The following NCOA1 variants were observed in gnomAD, a reference collection of about 807,000 sequenced individuals.
NCOA1 encodes nuclear receptor coactivator 1.
Under a neutral mutation model 150.9 loss-of-function variants are expected in NCOA1, and 35 were observed. That is an observed-to-expected ratio of 0.23 (90% confidence interval 0.18 to 0.31). The LOEUF is 0.31. Among genes scored for constraint, NCOA1 ranks in the 10% least tolerant of loss-of-function variants. The pLI, the probability that NCOA1 is intolerant of heterozygous loss-of-function variation, is 1.00. For missense variants in NCOA1, 1,491 were observed against 1,749.3 expected, an observed-to-expected ratio of 0.85 and a Z score of 2.63; for synonymous variants, 590 against 630.0, an observed-to-expected ratio of 0.94 and a Z score of 0.95.
intron 5 of NCOA1, among the ~76,000 whole-genome samples, chr2:24,660,605 A>C (rs988437945): frequency 1.3e-5 from 2 of 152,126 alleles, no homozygotes; most frequent in African/African-American, 4.8e-5. Context: ...ATTCAGTCCC[A>C]TTAACTTTTG....
chr2:24,739,461 A>G lies in NCOA1; in HGVS notation c.3231A>G (p.Leu1077=). ...QLIHQNRQAI[L]NQFAATAPVG... is the part of the protein sequence containing the mutation. ...TACACCAAAATCGGCAAGCTATCTTAAACCAGTTTGCAGCAACTGCTCCTG... is the reference window on the plus strand; with the variant it reads ...TACACCAAAATCGGCAAGCTATCTTGAACCAGTTTGCAGCAACTGCTCCTG... The change falls in exon 18 of 23, where the codon TTA becomes TTG. Residue 1077 remains leucine (L), a synonymous_variant. Transcript: ENST00000348332. The G allele has an allele frequency of 6.2e-7, 1 of 1,613,922 alleles. No homozygotes were observed. Among genetic ancestry groups the G allele is most frequent in the Non-Finnish European group, 8.5e-7 (1 of 1,179,824 alleles).
chr2:24,591,535 C>T (rs1667657386), intron 3 of NCOA1, among the ~76,000 whole-genome samples: 1 of 152,180 alleles, frequency 6.6e-6, no homozygotes, highest in Non-Finnish European at 1.5e-5. Context: ...TTTGGAATAT[C>T]TGCCATCTGT....
At chr2:24,724,654 T>C (rs1298662859) in intron 14 of NCOA1, among the ~76,000 whole-genome samples, 2 of 152,108 alleles carry the variant, frequency 1.3e-5, no homozygotes, top group Non-Finnish European at 2.9e-5. Flanking sequence ...CTAGTAAAAT[T>C]AGATACTGTG....
chr2:24,541,926 GATT>G (rs959419915), intron 1 of NCOA1, among the ~76,000 whole-genome samples: 2 of 152,124 alleles, frequency 1.3e-5, no homozygotes, highest in African/African-American at 4.8e-5. Context: ...TTTAAGAGGG[GATT>G]ATTATGAACA....
chr2:24,715,674 A>C (rs1202394118), intron 14 of NCOA1, among the ~76,000 whole-genome samples: 1 of 152,222 alleles, frequency 6.6e-6, no homozygotes, highest in African/African-American at 2.4e-5. Context: ...CATAAATTTT[A>C]GATGGAATAA....
In NCOA1 at chr2:24,706,870, C is replaced by G; in HGVS notation, c.1400C>G (p.Pro467Arg). 6.2e-7 allele frequency: 1 copy of G among 1,614,084 alleles called. No individual in the cohort carries two copies. The highest frequency in any genetic ancestry group is 1.6e-4 in the Middle Eastern group (1 of 6,062). ...CAGGCCAGTTCACAGAGCAGTAATCCCTCTTTAAACCTCAATAATTCTCCT... is the reference window on the plus strand; with the variant it reads ...CAGGCCAGTTCACAGAGCAGTAATCGCTCTTTAAACCTCAATAATTCTCCT... ...QGQASSQSSN[P>R]SLNLNNSPME... The change falls in exon 13 of 23, where the codon CCC (proline) becomes CGC (arginine). Residue 467 changes from proline (P) to arginine (R), a missense_variant. Coordinates refer to ENST00000348332, the MANE Select transcript of NCOA1 (RefSeq NM_003743.5).
chr2:24,758,945 C>T (rs995714472), intron 21 of NCOA1, among the ~76,000 whole-genome samples: 7 of 151,924 alleles, frequency 4.6e-5, no homozygotes, highest in South Asian at 2.1e-4. Context: ...CTGGTAATTG[C>T]GCCACTGCAC....
intron 3 of NCOA1, among the ~76,000 whole-genome samples, chr2:24,628,348 T>C (rs765533972): frequency 6.6e-6 from 1 of 152,138 alleles, no homozygotes; most frequent in Non-Finnish European, 1.5e-5. Context: ...CGTGCCATTA[T>C]TCTGAAGCTC....
At chr2:24,729,229 T>A (rs1558320425) in intron 16 of NCOA1, among the ~76,000 whole-genome samples, 1 of 152,248 alleles carries the variant, frequency 6.6e-6, no homozygotes. Flanking sequence ...GGCTTTGCAA[T>A]GAAGTTTTTT....
At chr2:24,513,239 G>C (rs1664011289) in intron 1 of NCOA1, among the ~76,000 whole-genome samples, 1 of 152,054 alleles carries the variant, frequency 6.6e-6, no homozygotes. Context: ...AAACATTGTG[G>C]AGTTCAGCCT....
At chr2:24,683,688 C>T (rs1183280034) in intron 8 of NCOA1, among the ~76,000 whole-genome samples, 3 of 152,058 alleles carry the variant, frequency 2.0e-5, no homozygotes, top group African/African-American at 4.8e-5. Flanking sequence ...GGGACTTTTT[C>T]TAATTCTTGT....
At chr2:24,727,564 G>T (rs960190808) in intron 15 of NCOA1, among the ~76,000 whole-genome samples, 3 of 152,204 alleles carry the variant, frequency 2.0e-5, no homozygotes, top group African/African-American at 7.2e-5. Context: ...AGACTAGATA[G>T]TATTGATTGT....
At chr2:24,727,234 C>T (rs1235259282) in intron 15 of NCOA1, among the ~76,000 whole-genome samples, 1 of 150,480 alleles carries the variant, frequency 6.6e-6, no homozygotes, top group Non-Finnish European at 1.5e-5. Context: ...GGCTAGTATA[C>T]GTTGTAATCA....
chr2:24,765,498 C>CAAA (rs200703883), intron 22 of NCOA1, among the ~76,000 whole-genome samples: 2 of 120,940 alleles, frequency 1.7e-5, no homozygotes, highest in African/African-American at 3.2e-5. Flanking sequence ...GACTCTGTCT[C>CAAA]AAAAAAAAAA....
At chr2:24,762,003 C>T (rs1339249291) in intron 21 of NCOA1, among the ~76,000 whole-genome samples, 1 of 152,238 alleles carries the variant, frequency 6.6e-6, no homozygotes, top group Non-Finnish European at 1.5e-5. Flanking sequence ...GAGCTTCAGA[C>T]TTGAGGGCCA....
intron 4 of NCOA1, among the ~76,000 whole-genome samples, chr2:24,652,241 C>A (rs12713362): frequency 0.66 from 99,577 of 151,922 alleles, 33,544 homozygotes; most frequent in East Asian, 0.88. Context: ...TCCTTCCTTA[C>A]CACATGAGAA....
In NCOA1 at chr2:24,491,431, C is replaced by G. The variant is rs1237590891; in HGVS notation, c.-567C>G. Reference sequence around the variant, plus strand: ...TTCGCTGCTGCTCCCTCGAGCGGAGCCTGCGTCAGGTTCCCTCTGCATCCC... The same window carrying G: ...TTCGCTGCTGCTCCCTCGAGCGGAGGCTGCGTCAGGTTCCCTCTGCATCCC... On this transcript the variant is annotated 5_prime_UTR_variant, in exon 1 of 23. Transcript: ENST00000348332. 8.6e-6 allele frequency among the ~76,000 whole-genome samples: 1 copy of G among 116,702 alleles called. No homozygotes were observed. Among genetic ancestry groups the G allele is most frequent in the African/African-American group, 4.7e-5 (1 of 21,498 alleles). 76.6% of individuals were successfully genotyped at this position (116,702 alleles called of 152,430 possible). A position where few individuals can be genotyped will look rare whatever the true frequency, so the allele number is the denominator to read the frequency against.
intron 1 of NCOA1, among the ~76,000 whole-genome samples, chr2:24,554,029 A>G (rs921388031): frequency 2.0e-5 from 3 of 152,252 alleles, no homozygotes; most frequent in Non-Finnish European, 4.4e-5. Flanking sequence ...TTTAATAGCT[A>G]TAAAATCTCT....
chr2:24,575,672 C>T (rs1666926184), intron 2 of NCOA1, among the ~76,000 whole-genome samples: 1 of 150,834 alleles, frequency 6.6e-6, no homozygotes, highest in Non-Finnish European at 1.5e-5. Flanking sequence ...CTCCCGGGTT[C>T]ACGCCATTCT....
Sources: allele counts gnomAD v4.1 joint callset (sites outside exome capture counted in the v4.1 genomes callset), GRCh38; gene constraint gnomAD v4.1.1; transcripts MANE v1.5; gene names NCBI Gene and HGNC (gene_info 2026-07-23, HGNC 2026-07-21).